Variants in ZFPM1 observed in about 807,000 individuals in gnomAD.
ZFPM1 encodes the protein zinc finger protein, FOG family member 1.
In ZFPM1, 28 loss-of-function variants were observed where a neutral mutation model predicts 46.3. The ratio of observed to expected loss-of-function variants is 0.60; its 90% CI spans 0.45 to 0.83. The LOEUF is 0.83. ZFPM1 is among the 40% of genes least tolerant of loss of function. ZFPM1 has a pLI of 0.00. For missense variants in ZFPM1, 1,878 were observed against 1,432.4 expected (o/e 1.31, Z -5.02); for synonymous variants, 957 against 675.9 (o/e 1.42, Z -6.45).
rs1913116954 is a variant in ZFPM1 at position 88,534,480 on chromosome 16, C to G, written c.2522C>G (p.Pro841Arg). The change falls in exon 10 of 10, where the codon CCC (proline) becomes CGC (arginine). Residue 841 changes from proline to arginine, a missense_variant. Coordinates refer to ENST00000319555, the MANE Select transcript of ZFPM1 (RefSeq NM_153813.3). The stretch of plus-strand genomic sequence containing the variant: ...CTGGCGCACAAGAAGTACTCGTGCC[C>G]CGCTGCGCCACCGCCCGGCGCGCTC... ...AYLAHKKYSCPAAPPPGALGL... is the reference protein window; with the variant it reads ...AYLAHKKYSCRAAPPPGALGL... The G allele has an allele frequency of 1.1e-5, 17 of 1,482,026 alleles. No homozygotes were observed. The highest frequency in any genetic ancestry group is 3.7e-5 in the South Asian group (3 of 80,894). The allele number at this position is 1,482,026 out of a possible 1,614,324, so 91.8% of individuals were successfully genotyped here. A position where few individuals can be genotyped will look rare whatever the true frequency, so the allele number is the denominator to read the frequency against.
intron 4 of ZFPM1, among the ~76,000 whole-genome samples, chr16:88,517,071 G>A (rs980796305): frequency 1.3e-5 from 2 of 152,182 alleles, no homozygotes. Flanking sequence ...CCCCTGCCAC[G>A]CCAGGGGTTG....
At chr16:88,468,558 G>T (rs959666843) in intron 1 of ZFPM1, among the ~76,000 whole-genome samples, 5 of 152,114 alleles carry the variant, frequency 3.3e-5, no homozygotes, top group African/African-American at 9.7e-5. Context: ...ATGGATGTCA[G>T]GGAGCCTTCG....
chr16:88,485,941 T>A lies in ZFPM1; in HGVS notation c.43T>A (p.Ser15Thr). Residue 15 changes from serine to threonine, a missense_variant and splice_region_variant, in exon 2 of 10, where the codon TCC becomes ACC. Physicochemically the swap from Ser to Thr is moderately conservative, Grantham distance 58. Transcript: ENST00000319555. ...CCCCCATCGTCTTGTGTCCACAGGT[T>A]CCCTCGGAGACATGGAGGCCAGAGA... The part of the protein sequence containing the change: ...KQSNPRQIKR[S>T]LGDMEAREEV... 6.2e-7 allele frequency: 1 copy of A among 1,612,710 alleles called. No homozygotes were observed. The highest frequency in any genetic ancestry group is 2.2e-5 in the East Asian group (1 of 44,880).
At chr16:88,457,538 G>A (rs1907611515) in intron 1 of ZFPM1, among the ~76,000 whole-genome samples, 1 of 152,238 alleles carries the variant, frequency 6.6e-6, no homozygotes, top group African/African-American at 2.4e-5. Flanking sequence ...ACCATCCTGA[G>A]GGGAACGGTG....
chr16:88,511,450 G>A (rs1313434868), intron 3 of ZFPM1, among the ~76,000 whole-genome samples: 1 of 151,986 alleles, frequency 6.6e-6, no homozygotes, highest in African/African-American at 2.4e-5. Flanking sequence ...CATTTCAGAG[G>A]CCATTTAAAA....
chr16:88,502,726 T>G (rs1567542164), intron 3 of ZFPM1, among the ~76,000 whole-genome samples: 1 of 152,238 alleles, frequency 6.6e-6, no homozygotes, highest in Non-Finnish European at 1.5e-5. Context: ...TGGGAATTTA[T>G]CCCAGAAAAA....
intron 4 of ZFPM1, among the ~76,000 whole-genome samples, chr16:88,519,374 T>C (rs61724271): frequency 0.076 from 11,155 of 147,190 alleles, 914 homozygotes; most frequent in African/African-American, 0.21. Flanking sequence ...AATGGATGGA[T>C]AGATGGATAG....
At position 88,534,013 on chromosome 16, in the gene ZFPM1, C is replaced by G; in HGVS notation, c.2055C>G (p.Cys685Trp). 7.3e-7 allele frequency: 1 copy of G among 1,374,398 alleles called. No homozygotes were observed. Among genetic ancestry groups the G allele is most frequent in the Non-Finnish European group, 9.5e-7 (1 of 1,047,598 alleles). The allele number at this position is 1,374,398 out of a possible 1,614,324, so 85.1% of individuals were successfully genotyped here. ...AGGACGACCCCAGCCGCACGCTGTG[C>G]GAGGCCTGCAACATCCGCTTCAGCC... The part of the protein sequence containing the change: ...DAEDDPSRTL[C>W]EACNIRFSRH... The change falls in exon 10 of 10, where the codon TGC (cysteine) becomes TGG (tryptophan). Residue 685 changes from cysteine to tryptophan, a missense_variant. Cys to Trp is a radical substitution (Grantham distance 215). Transcript: ENST00000319555.
intron 1 of ZFPM1, among the ~76,000 whole-genome samples, chr16:88,472,196 C>T (rs1001812896): frequency 5.3e-5 from 8 of 151,734 alleles, no homozygotes; most frequent in African/African-American, 1.5e-4. Context: ...GCTGGAGGCA[C>T]GGTGGTGGGC....
intron 4 of ZFPM1, among the ~76,000 whole-genome samples, chr16:88,525,950 G>A (rs557538840): frequency 1.7e-4 from 26 of 152,390 alleles, no homozygotes; most frequent in Non-Finnish European, 3.4e-4. Flanking sequence ...AGCATGGCAT[G>A]GCCCGAGGCA....
rs543049777 is a variant in ZFPM1 at position 88,519,110 on chromosome 16, GTGGA to G, written c.402+4606_402+4609del. 5.6e-3 allele frequency among the ~76,000 whole-genome samples: 721 copies of G among 128,316 alleles called. 13 individuals are homozygous for G. The highest frequency in any genetic ancestry group is 0.021 in the African/African-American group (685 of 32,868). 84.2% of individuals were successfully genotyped at this position (128,316 alleles called of 152,430 possible). ...GATGGCTGAGAGTGTGGGTGGATGG[GTGGA>G]TGGATGGATGGATGGGTGGATGGAT... On this transcript the variant is annotated intron_variant, in intron 4 of 9. Coordinates refer to ENST00000319555, the MANE Select transcript of ZFPM1 (RefSeq NM_153813.3).
chr16:88,532,266 G>A lies in ZFPM1; in HGVS notation c.946+31G>A, dbSNP rs1461507858. ...CCCCCACCCCGGACGCGGGTCCTCAGGATGCCGGCTGCTTCCCCACCCAGT... is the reference window on the plus strand; with the variant it reads ...CCCCCACCCCGGACGCGGGTCCTCAAGATGCCGGCTGCTTCCCCACCCAGT... On this transcript the variant is annotated intron_variant, in intron 7 of 9. Transcript: ENST00000319555. 3 of 1,553,086 alleles carry A rather than the reference G, an allele frequency of 1.9e-6. No individual in the cohort carries two copies. In the South Asian group the frequency reaches 3.6e-5, roughly 18 times the overall value.
chr16:88,526,846 G>A lies in ZFPM1; in HGVS notation c.435G>A (p.Glu145=). 1 of 1,565,784 alleles carries A rather than the reference G, an allele frequency of 6.4e-7. No individual in the cohort carries two copies. Among genetic ancestry groups the A allele is most frequent in the Non-Finnish European group, 8.7e-7 (1 of 1,155,190 alleles). The stretch of plus-strand genomic sequence containing the variant: ...CCCTGACCCTGCTGCTGGTGGACGA[G>A]GCCTGCTGGCTGAGGACGCTGCCCC... ...SPALTLLLVD[E]ACWLRTLPQA... Residue 145 remains glutamate (E), a synonymous_variant, in exon 5 of 10, where the codon GAG becomes GAA. Coordinates refer to ENST00000319555, the MANE Select transcript of ZFPM1 (RefSeq NM_153813.3).
intron 1 of ZFPM1, among the ~76,000 whole-genome samples, chr16:88,472,515 A>G (rs937969859): frequency 1.3e-5 from 2 of 151,732 alleles, no homozygotes; most frequent in African/African-American, 4.8e-5. Context: ...CACCACGCCC[A>G]GCTAATTTTT....
chr16:88,462,967 C>T (rs1473792395), intron 1 of ZFPM1, among the ~76,000 whole-genome samples: 2 of 152,156 alleles, frequency 1.3e-5, no homozygotes, highest in Admixed American at 1.3e-4. Context: ...GGGCAGGGGC[C>T]CCCCTCCCCT....
intron 3 of ZFPM1, among the ~76,000 whole-genome samples, chr16:88,505,210 G>A (rs1448311101): frequency 2.0e-5 from 3 of 152,304 alleles, no homozygotes; most frequent in South Asian, 2.1e-4. Context: ...GTGGACGCCA[G>A]GCCCAGGCTT....
intron 1 of ZFPM1, among the ~76,000 whole-genome samples, chr16:88,457,137 G>C (rs1264838683): frequency 6.6e-6 from 1 of 152,270 alleles, no homozygotes; most frequent in African/African-American, 2.4e-5. Flanking sequence ...GTGCCATCTG[G>C]CAAGGGCCAT....
upstream of ZFPM1, among the ~76,000 whole-genome samples, chr16:88,453,077 C>A (rs1204081889): frequency 6.9e-6 from 1 of 145,160 alleles, no homozygotes; most frequent in Non-Finnish European, 1.5e-5. Context: ...AAGAGCGAGG[C>A]GGGCGGGGGC....
At chr16:88,520,522 A>C (rs559556791) in intron 4 of ZFPM1, among the ~76,000 whole-genome samples, 7 of 144,500 alleles carry the variant, frequency 4.8e-5, no homozygotes, top group Non-Finnish European at 7.5e-5. Context: ...AGATGAATGG[A>C]TGAATGAATG....
Sources: gnomAD v4.1 joint callset for allele counts (sites outside exome capture counted in the v4.1 genomes callset) on GRCh38, gnomAD v4.1.1 for gene constraint, MANE v1.5 for transcripts, NCBI Gene and HGNC (gene_info 2026-07-23, HGNC 2026-07-21) for gene names.